The following ASB15 variants were observed in gnomAD, a reference collection of about 807,000 sequenced individuals.
ASB15 encodes ankyrin repeat and SOCS box protein 15.
In ASB15, 54 loss-of-function variants were observed where a neutral mutation model predicts 58.0. That is an observed-to-expected ratio of 0.93 (90% confidence interval 0.75 to 1.17). ASB15 has a LOEUF of 1.17. Among genes scored for constraint, ASB15 ranks in the 50% most tolerant of loss-of-function variants. ASB15 has a pLI of 0.00. For missense variants in ASB15, 680 were observed against 707.4 expected (o/e 0.96, Z 0.44); for synonymous variants, 249 against 262.4 (o/e 0.95, Z 0.50).
intron 1 of ASB15, among the ~76,000 whole-genome samples, chr7:123,571,987 G>A (rs1168919809): frequency 2.0e-5 from 3 of 151,810 alleles, no homozygotes; most frequent in African/African-American, 7.3e-5. Context: ...CTTTTGTAGG[G>A]ATCTTGCCCA....
At chr7:123,568,496 GAAC>G (rs995852155) in intron 1 of ASB15, among the ~76,000 whole-genome samples, 1 of 144,920 alleles carries the variant, frequency 6.9e-6, no homozygotes, top group Non-Finnish European at 1.5e-5. Flanking sequence ...ACTCCAGCCT[GAAC>G]AACAAGAGCG....
chr7:123,634,031 T>G (rs560923154), intron 11 of ASB15, among the ~76,000 whole-genome samples: 4 of 152,006 alleles, frequency 2.6e-5, no homozygotes, highest in African/African-American at 7.2e-5. Context: ...TTTTTTTCTG[T>G]TTTTTTTCCT....
At chr7:123,577,332 T>G (rs1248093287) in intron 1 of ASB15, among the ~76,000 whole-genome samples, 1 of 152,198 alleles carries the variant, frequency 6.6e-6, no homozygotes, top group Non-Finnish European at 1.5e-5. Flanking sequence ...TGAGAAGAAC[T>G]GTCACTTGTC....
At chr7:123,574,885 T>C (rs925345784) in intron 1 of ASB15, among the ~76,000 whole-genome samples, 5 of 152,082 alleles carry the variant, frequency 3.3e-5, no homozygotes, top group African/African-American at 1.2e-4. Flanking sequence ...TTGAAGACTT[T>C]ACTGGATCTA....
intron 3 of ASB15, among the ~76,000 whole-genome samples, chr7:123,613,774 G>A (rs1308065360): frequency 1.3e-5 from 2 of 152,166 alleles, no homozygotes; most frequent in Non-Finnish European, 2.9e-5. Flanking sequence ...ACCAGGCATG[G>A]TGGCTCACAC....
chr7:123,582,190 A>G (rs1049203656), intron 1 of ASB15, among the ~76,000 whole-genome samples: 1 of 152,000 alleles, frequency 6.6e-6, no homozygotes, highest in Non-Finnish European at 1.5e-5. Context: ...TCTCAGGCCC[A>G]GACCACTTTG....
At position 123,637,887 on chromosome 7, in the gene ASB15, A is replaced by AAAAAAAAAAAAAAAAAAAAAC. The variant is rs1802505336; in HGVS notation, c.*919_*920insAAAAAAACAAAAAAAAAAAAA. On this transcript the variant is annotated 3_prime_UTR_variant, in exon 12 of 12. Transcript: ENST00000451215. The stretch of plus-strand genomic sequence containing the variant: ...ATGTCCCCAGATGAACTAAAAAAAA[A>AAAAAAAAAAAAAAAAAAAAAC]AAAAAAAAAAAAACCTCTTTCCCGA... 2 of 148,570 alleles carry AAAAAAAAAAAAAAAAAAAAAC rather than the reference A, an allele frequency of 1.3e-5. No individual in the cohort carries two copies. The highest frequency in any genetic ancestry group is 2.5e-5 in the African/African-American group (1 of 40,590). 9.2% of individuals were successfully genotyped at this position (148,570 alleles called of 1,614,324 possible).
rs932107036 is a variant in ASB15 at position 123,636,858 on chromosome 7, T to G, written c.1644T>G (p.Leu548=). Residue 548 remains leucine, a synonymous_variant, in exon 12 of 12, where the codon CTT becomes CTG. Transcript: ENST00000451215. ...TGTGTCGGTTAAAAATTCGAAGGCT[T>G]ATGGGTCTCCAGAAACTCTGCCAGC... ...KHLCRLKIRR[L]MGLQKLCQPA... The G allele has an allele frequency of 6.2e-7, 1 of 1,611,986 alleles. No homozygotes were observed. The highest frequency in any genetic ancestry group is 1.3e-5 in the African/African-American group (1 of 74,826).
At chr7:123,611,082 C>CAAAAAAAAAA (rs34527165) in intron 3 of ASB15, among the ~76,000 whole-genome samples, 1 of 81,854 alleles carries the variant, frequency 1.2e-5, no homozygotes, top group Non-Finnish European at 2.4e-5. Context: ...AACTCCATCT[C>CAAAAAAAAAA]AAAAAAAAAA....
At chr7:123,603,554 G>C (rs1044902082) in intron 1 of ASB15, among the ~76,000 whole-genome samples, 4 of 151,806 alleles carry the variant, frequency 2.6e-5, no homozygotes, top group African/African-American at 9.7e-5. Flanking sequence ...CAAAATAATG[G>C]ATCAATGTCA....
intron 1 of ASB15, among the ~76,000 whole-genome samples, chr7:123,577,395 C>T (rs962287514): frequency 1.3e-5 from 2 of 152,212 alleles, no homozygotes; most frequent in East Asian, 1.9e-4. Context: ...GCCCAGTTTC[C>T]CTTCCTTTAA....
At chr7:123,618,876 G>T (rs941887859) in intron 7 of ASB15, among the ~76,000 whole-genome samples, 12 of 150,052 alleles carry the variant, frequency 8.0e-5, no homozygotes, top group African/African-American at 2.2e-4. Context: ...TGTAAAAAAC[G>T]TATTAAGAAG....
intron 1 of ASB15, among the ~76,000 whole-genome samples, chr7:123,592,596 G>A (rs536112449): frequency 7.2e-5 from 11 of 152,168 alleles, no homozygotes; most frequent in Admixed American, 6.5e-4. Context: ...TGTGCAGTTT[G>A]GAGTGAGTTT....
At chr7:123,610,617 A>G (rs1047227351) in intron 3 of ASB15, among the ~76,000 whole-genome samples, 10 of 152,198 alleles carry the variant, frequency 6.6e-5, no homozygotes, top group South Asian at 2.1e-4. Context: ...CTAAAATCGC[A>G]TGCAAAATTT....
rs1168900708 is a variant in ASB15 at position 123,628,920 on chromosome 7, TA to T, written c.928del (p.Thr310HisfsTer15). On this transcript the variant is annotated frameshift_variant, in exon 10 of 12. Transcript: ENST00000451215. LOFTEE classifies it high-confidence loss of function. The stretch of plus-strand genomic sequence containing the variant: ...AAAAATGCAATTCGGAAAAGTGGGC[TA>T]ACACCAATTCACTCAGCAGCAGATG... ...TSKNAIRKSGLTPIHSAADGQ... is the reference protein window; with the variant it reads ...TSKNAIRKSGXTPIHSAADGQ... 1.3e-6 allele frequency: 2 copies of T among 1,597,576 alleles called. No individual in the cohort carries two copies. Among genetic ancestry groups the T allele is most frequent in the African/African-American group, 2.7e-5 (2 of 74,282 alleles).
Position 123,590,090 on chromosome 7 carries a change from ATGTGT to A in ASB15, c.-442-13940_-442-13936del, listed in dbSNP as rs1404723574. On this transcript the variant is annotated intron_variant, in intron 1 of 13. Coordinates refer to the ASB15 transcript ENST00000451558. ...GATCAGTGATGGTGAGCATTTCTTC[ATGTGT>A]TTTTTGGCTGCATAAATGTCTTCTT... Among the ~76,000 whole-genome samples, 7 of 151,918 alleles carry A rather than the reference ATGTGT, an allele frequency of 4.6e-5. No homozygotes were observed. The East Asian group carries it at 1.4e-3, about 29-fold the overall frequency.
In ASB15 at chr7:123,624,738, T is replaced by C. The variant is rs779829712; in HGVS notation, c.621T>C (p.Asp207=). 3.1e-6 allele frequency: 5 copies of C among 1,614,136 alleles called. No individual in the cohort carries two copies. The highest frequency in any genetic ancestry group is 4.2e-6 in the Non-Finnish European group (5 of 1,179,984). ...LKHGGNVHLR[D]GFGVTPLGVA... ...ATGGAGGCAATGTCCACCTGAGAGA[T>C]GGATTTGGAGTCACACCACTAGGCG... Residue 207 remains aspartate (D), a synonymous_variant, in exon 8 of 12, where the codon GAT becomes GAC. Transcript: ENST00000451215.
chr7:123,586,352 C>G (rs955023868), intron 1 of ASB15, among the ~76,000 whole-genome samples: 1 of 151,758 alleles, frequency 6.6e-6, no homozygotes, highest in Non-Finnish European at 1.5e-5. Context: ...CCTTTTCACT[C>G]CTGTTGGACA....
rs528943780 is a variant in ASB15 at position 123,619,179 on chromosome 7, CAAAAAA to C, written c.451+1461_451+1466del. The stretch of plus-strand genomic sequence containing the variant: ...TGGACGACAGAGAGAGACGCCGTCT[CAAAAAA>C]AAAAAAAAAAAAAAAAAAGAAGTCA... On this transcript the variant is annotated intron_variant, in intron 7 of 11. Transcript: ENST00000451215. Among the ~76,000 whole-genome samples the C allele has an allele frequency of 2.2e-4, 12 of 55,252 alleles. 1 individual carries two copies. Among genetic ancestry groups the C allele is most frequent in the East Asian group, 2.0e-3 (4 of 2,008 alleles). 36.2% of individuals were successfully genotyped at this position (55,252 alleles called of 152,430 possible).
Sources: gnomAD v4.1 joint callset for allele counts (sites outside exome capture counted in the v4.1 genomes callset) on GRCh38, gnomAD v4.1.1 for gene constraint, MANE v1.5 for transcripts, NCBI Gene and HGNC (gene_info 2026-07-23, HGNC 2026-07-21) for gene names.